STAG1: variants seen among roughly 807,000 people sequenced by gnomAD.
STAG1 encodes the protein cohesin subunit SA-1.
A neutral mutation model predicts 170.9 loss-of-function variants in STAG1; 26 were observed. The ratio of observed to expected loss-of-function variants is 0.15; its 90% CI spans 0.11 to 0.21. STAG1 has a LOEUF of 0.21. Among genes scored for constraint, STAG1 ranks in the 10% least tolerant of loss-of-function variants. The pLI, the probability that STAG1 is intolerant of heterozygous loss-of-function variation, is 1.00. For synonymous variants in STAG1, 514 were observed against 497.7 expected, an observed-to-expected ratio of 1.03 and a Z score of -0.44; for missense variants, 964 against 1,509.5, an observed-to-expected ratio of 0.64 and a Z score of 5.99.
chr3:136,357,738 C>A lies in STAG1; in HGVS notation c.3047G>T (p.Arg1016Leu). ...AACTTACACTGTCTTTTTGTCCTGT[C>A]GAAGAAGTTTAGAAGAAAATTCACT... is the stretch of plus-strand genomic sequence containing the variant. Reference protein sequence around the residue: ...VLSEFSSKLLRQDKKTVHSYL... With the variant: ...VLSEFSSKLLLQDKKTVHSYL... The change falls in exon 28 of 34, where the codon CGA (arginine) becomes CTA (leucine). Residue 1016 changes from arginine to leucine, a missense_variant. By Grantham distance (102) the Arg-to-Leu change is moderately radical (BLOSUM62 -2). Around this residue, in one of 11 missense-constraint regions of STAG1, gnomAD observed 149 missense variants for 301.3 expected, o/e 0.49. Transcript: ENST00000383202. The A allele has an allele frequency of 6.2e-7, 1 of 1,603,056 alleles. No individual in the cohort carries two copies. Among genetic ancestry groups the A allele is most frequent in the Admixed American group, 1.8e-5 (1 of 56,492 alleles).
intron 13 of STAG1, among the ~76,000 whole-genome samples, chr3:136,456,731 G>C (rs2089123282): frequency 1.3e-5 from 2 of 151,970 alleles, no homozygotes; most frequent in African/African-American, 4.8e-5. Flanking sequence ...CAAAAATCAA[G>C]GACAAAGAAG....
intron 6 of STAG1, among the ~76,000 whole-genome samples, chr3:136,531,721 G>T (rs558122269): frequency 4.5e-4 from 66 of 147,714 alleles, no homozygotes; most frequent in African/African-American, 1.6e-3. Flanking sequence ...GAGATCACAT[G>T]GACACAGGAA....
chr3:136,583,030 A>G (rs1937626502), intron 4 of STAG1, among the ~76,000 whole-genome samples: 1 of 152,194 alleles, frequency 6.6e-6, no homozygotes, highest in Non-Finnish European at 1.5e-5. Flanking sequence ...CTTCTTCTCT[A>G]TAGCTGCATT....
chr3:136,361,978 A>G (rs1298338056), intron 26 of STAG1, among the ~76,000 whole-genome samples: 1 of 151,438 alleles, frequency 6.6e-6, no homozygotes, highest in East Asian at 1.9e-4. Context: ...TTTTTGAGAC[A>G]GAGTTTTGCT....
chr3:136,339,991 A>G (rs1935898586), intron 32 of STAG1, among the ~76,000 whole-genome samples: 1 of 152,156 alleles, frequency 6.6e-6, no homozygotes, highest in Non-Finnish European at 1.5e-5. Flanking sequence ...AAAGAAGGTA[A>G]AAAGAAAGAA....
chr3:136,548,260 G>C (rs1936243711), intron 5 of STAG1, among the ~76,000 whole-genome samples: 2 of 151,800 alleles, frequency 1.3e-5, no homozygotes, highest in South Asian at 4.2e-4. Context: ...CTACAAGCAA[G>C]CACCACCATG....
intron 28 of STAG1, among the ~76,000 whole-genome samples, chr3:136,351,440 A>G (rs145575160): frequency 1.3e-5 from 2 of 152,336 alleles, no homozygotes; most frequent in Non-Finnish European, 2.9e-5. Context: ...ATAAAAAATA[A>G]AAGTGCTGGG....
chr3:136,365,950 T>C (rs1937058255), intron 25 of STAG1, among the ~76,000 whole-genome samples: 1 of 151,740 alleles, frequency 6.6e-6, no homozygotes, highest in Non-Finnish European at 1.5e-5. Flanking sequence ...CATGCTCATC[T>C]AGTAAGCTCC....
chr3:136,527,051 G>A (rs564912381), intron 6 of STAG1, among the ~76,000 whole-genome samples: 74 of 152,292 alleles, frequency 4.9e-4, no homozygotes, highest in Non-Finnish European at 3.1e-4. Context: ...CAACTTCGGT[G>A]AATCTGACAA....
intron 21 of STAG1, among the ~76,000 whole-genome samples, chr3:136,415,221 G>A (rs138192551): frequency 7.2e-5 from 11 of 151,788 alleles, no homozygotes; most frequent in South Asian, 2.1e-4. Context: ...AAAAAACCAC[G>A]CAATAAAGCA....
chr3:136,672,894 C>T (rs532145085), intron 1 of STAG1, among the ~76,000 whole-genome samples: 1 of 152,214 alleles, frequency 6.6e-6, no homozygotes, highest in South Asian at 2.1e-4. Context: ...TTATGCAGCA[C>T]ATACTGACAT....
At chr3:136,478,044 C>T (rs1369346939) in intron 9 of STAG1, among the ~76,000 whole-genome samples, 1 of 152,276 alleles carries the variant, frequency 6.6e-6, no homozygotes, top group East Asian at 1.9e-4. Flanking sequence ...CCCACCTCGG[C>T]CTCCCAAAGT....
intron 1 of STAG1, among the ~76,000 whole-genome samples, chr3:136,729,699 A>C (rs1576822420): frequency 1.3e-5 from 2 of 149,824 alleles, no homozygotes; most frequent in East Asian, 4.0e-4. Context: ...CAGCCTCTCG[A>C]GTAGCTGGGA....
intron 16 of STAG1, among the ~76,000 whole-genome samples, chr3:136,426,190 G>A (rs1357307239): frequency 1.3e-5 from 2 of 151,394 alleles, no homozygotes; most frequent in East Asian, 1.9e-4. Context: ...GGCAGATCAC[G>A]AGGTCAGGAG....
At chr3:136,475,102 T>C (rs533761015) in intron 10 of STAG1, among the ~76,000 whole-genome samples, 49 of 151,346 alleles carry the variant, frequency 3.2e-4, no homozygotes, top group Non-Finnish European at 5.9e-4. Context: ...GTCTGTTTCC[T>C]GCTTTGTCAT....
chr3:136,433,307 T>A (rs978620533), intron 16 of STAG1, among the ~76,000 whole-genome samples: 4 of 151,264 alleles, frequency 2.6e-5, no homozygotes, highest in Non-Finnish European at 2.9e-5. Context: ...ATCCTTAAAA[T>A]ATATATATAT....
At chr3:136,558,981 T>C (rs1478240666) in intron 5 of STAG1, among the ~76,000 whole-genome samples, 1 of 152,232 alleles carries the variant, frequency 6.6e-6, no homozygotes, top group East Asian at 1.9e-4. Flanking sequence ...CAGACATTTT[T>C]GCTTGTTACA....
chr3:136,367,149 C>T, intron 24 of STAG1, 67 bp from the exon 25 acceptor site: 1 of 1,311,628 alleles, frequency 7.6e-7, no homozygotes, highest in Non-Finnish European at 1.1e-6. Context: ...TGCAGATAAT[C>T]TGTATAATTG....
intron 7 of STAG1, among the ~76,000 whole-genome samples, chr3:136,520,058 G>A (rs1934593907): frequency 6.6e-6 from 1 of 151,948 alleles, no homozygotes; most frequent in Non-Finnish European, 1.5e-5. Context: ...CTGAGTAAGG[G>A]AAAAATGAGA....
Sources: gnomAD v4.1 joint callset for allele counts (sites outside exome capture counted in the v4.1 genomes callset) on GRCh38, gnomAD v4.1.1 for gene constraint, gnomAD v4.1.1 regional missense constraint, MANE v1.5 for transcripts, NCBI Gene and HGNC (gene_info 2026-07-23, HGNC 2026-07-21) for gene names.